Variants in FSTL5 observed in about 807,000 individuals in gnomAD.
FSTL5 encodes the protein follistatin-related protein 5.
A neutral mutation model predicts 89.1 loss-of-function variants in FSTL5; 62 were observed. The observed-to-expected ratio is 0.70, with a 90% CI of 0.57 to 0.86. FSTL5 has a LOEUF of 0.86. Among genes scored for constraint, FSTL5 ranks in the 40% least tolerant of loss-of-function variants. FSTL5 has a pLI of 0.00. For missense variants in FSTL5, 1,057 were observed against 1,001.6 expected (o/e 1.06, Z -0.75); for synonymous variants, 383 against 346.2 (o/e 1.11, Z -1.18).
At chr4:161,889,452 T>C (rs1021693943) in intron 4 of FSTL5, among the ~76,000 whole-genome samples, 2 of 152,082 alleles carry the variant, frequency 1.3e-5, no homozygotes, top group Non-Finnish European at 2.9e-5. Context: ...GAGACCAGCC[T>C]GGCCAACATG....
intron 2 of FSTL5, among the ~76,000 whole-genome samples, chr4:162,068,830 T>G (rs1343785847): frequency 2.0e-5 from 3 of 151,980 alleles, no homozygotes; most frequent in African/African-American, 7.2e-5. Flanking sequence ...TAAAAGGAAC[T>G]TAATTAAATT....
At position 162,126,238 on chromosome 4, in the gene FSTL5, C is replaced by A. The variant is rs543220216; in HGVS notation, c.-16-14826G>T. ...CCTTTCTATAGTTTTTCAATGTGGG[C>A]CAATAAAAGGCAACATGTCCCGTTC... On this transcript the variant is annotated intron_variant, in intron 1 of 15. Transcript: ENST00000306100. Among the ~76,000 whole-genome samples, 4 of 152,032 alleles carry A rather than the reference C, an allele frequency of 2.6e-5. No homozygotes were observed. The South Asian group carries it at 6.2e-4, about 24-fold the overall frequency.
intron 8 of FSTL5, among the ~76,000 whole-genome samples, chr4:161,554,869 A>G (rs796226434): frequency 5.3e-5 from 8 of 151,800 alleles, no homozygotes; most frequent in Non-Finnish European, 7.4e-5. Flanking sequence ...CAACTTTCCT[A>G]TGAAAAATTA....
At chr4:161,603,502 C>G (rs940840628) in intron 7 of FSTL5, among the ~76,000 whole-genome samples, 1 of 152,042 alleles carries the variant, frequency 6.6e-6, no homozygotes, top group Non-Finnish European at 1.5e-5. Flanking sequence ...GGAAAACAAC[C>G]CTCCCCAAAA....
intron 1 of FSTL5, among the ~76,000 whole-genome samples, chr4:162,146,110 A>C: frequency 6.6e-6 from 1 of 152,150 alleles, no homozygotes; most frequent in East Asian, 1.9e-4. Flanking sequence ...TAGTAAAGGA[A>C]ATAATAGTGA....
intron 15 of FSTL5, among the ~76,000 whole-genome samples, chr4:161,422,400 A>G (rs1180037604): frequency 6.6e-6 from 1 of 152,200 alleles, no homozygotes; most frequent in East Asian, 1.9e-4. Flanking sequence ...GAGTCATTAT[A>G]TTTCTGAACA....
intron 7 of FSTL5, among the ~76,000 whole-genome samples, chr4:161,648,717 G>A (rs966445733): frequency 6.6e-6 from 1 of 151,864 alleles, no homozygotes; most frequent in Non-Finnish European, 1.5e-5. Context: ...AATTGCTAGT[G>A]CCCCTCCTGT....
chr4:161,583,130 G>A (rs1344970743), intron 8 of FSTL5, among the ~76,000 whole-genome samples: 1 of 152,154 alleles, frequency 6.6e-6, no homozygotes. Flanking sequence ...GAACCCAGGG[G>A]GCGGAGGTTG....
intron 8 of FSTL5, among the ~76,000 whole-genome samples, chr4:161,544,011 G>A (rs1578912992): frequency 1.3e-5 from 2 of 151,730 alleles, no homozygotes; most frequent in Non-Finnish European, 2.9e-5. Context: ...AATATATAGA[G>A]AACTGTTACA....
chr4:161,724,226 A>G (rs929975924), intron 6 of FSTL5, among the ~76,000 whole-genome samples: 2 of 152,154 alleles, frequency 1.3e-5, no homozygotes, highest in African/African-American at 4.8e-5. Flanking sequence ...GAGAGGTGAT[A>G]CATAATGCTA....
At chr4:161,494,574 C>T (rs1161168964) in intron 12 of FSTL5, among the ~76,000 whole-genome samples, 1 of 152,134 alleles carries the variant, frequency 6.6e-6, no homozygotes, top group Non-Finnish European at 1.5e-5. Flanking sequence ...CTGGACATTA[C>T]AAACAACCTG....
At chr4:162,093,376 A>C (rs1228526415) in intron 2 of FSTL5, among the ~76,000 whole-genome samples, 1 of 152,304 alleles carries the variant, frequency 6.6e-6, no homozygotes, top group East Asian at 1.9e-4. Context: ...AAATCCCAAC[A>C]CTTCGCTGAG....
In FSTL5 at chr4:161,558,001, T is replaced by A. The variant is rs181377606; in HGVS notation, c.1016-15308A>T. On this transcript the variant is annotated intron_variant, in intron 8 of 15. Coordinates refer to ENST00000306100, the MANE Select transcript of FSTL5 (RefSeq NM_020116.5). ...ATAAGCCCATATGTTCCTCTGCAAA[T>A]AAGTGGTTAAACAAACTCTTTTACG... 4.6e-4 allele frequency among the ~76,000 whole-genome samples: 70 copies of A among 151,900 alleles called. No individual in the cohort carries two copies. The East Asian group carries it at 0.013, about 28-fold the overall frequency.
intron 11 of FSTL5, among the ~76,000 whole-genome samples, chr4:161,509,270 T>C (rs1730581096): frequency 6.6e-6 from 1 of 152,100 alleles, no homozygotes; most frequent in Non-Finnish European, 1.5e-5. Context: ...GCCGTTGAAC[T>C]CCAGCCTGGG....
At chr4:162,009,858 T>C (rs1736710779) in intron 3 of FSTL5, among the ~76,000 whole-genome samples, 1 of 152,070 alleles carries the variant, frequency 6.6e-6, no homozygotes, top group South Asian at 2.1e-4. Flanking sequence ...AAATTACGTG[T>C]AGTAGCACCA....
intron 6 of FSTL5, among the ~76,000 whole-genome samples, chr4:161,722,037 A>G (rs1397818704): frequency 6.6e-6 from 1 of 152,144 alleles, no homozygotes; most frequent in East Asian, 1.9e-4. Flanking sequence ...GAATGCAAAT[A>G]CAAATGGAAA....
At chr4:161,876,744 A>T (rs566763454) in intron 4 of FSTL5, among the ~76,000 whole-genome samples, 6 of 152,186 alleles carry the variant, frequency 3.9e-5, no homozygotes, top group South Asian at 2.1e-4. Context: ...TGTCTCTTTT[A>T]AAAAAAGAGA....
intron 12 of FSTL5, among the ~76,000 whole-genome samples, chr4:161,492,568 T>C (rs943629422): frequency 2.0e-5 from 3 of 152,270 alleles, no homozygotes; most frequent in East Asian, 1.9e-4. Flanking sequence ...GCATAGCTCA[T>C]GGTACAACTA....
chr4:161,401,083 T>C (rs931577598), intron 15 of FSTL5, among the ~76,000 whole-genome samples: 2 of 152,284 alleles, frequency 1.3e-5, no homozygotes, highest in Non-Finnish European at 1.5e-5. Context: ...GAATTTAACA[T>C]TGAATGTGGT....
Sources: gnomAD v4.1 joint callset for allele counts (sites outside exome capture counted in the v4.1 genomes callset) on GRCh38, gnomAD v4.1.1 for gene constraint, MANE v1.5 for transcripts, NCBI Gene and HGNC (gene_info 2026-07-23, HGNC 2026-07-21) for gene names.